The following SYNE1 variants were observed in gnomAD, a reference collection of about 807,000 sequenced individuals.
SYNE1 encodes nesprin-1.
SYNE1 carries 616 observed loss-of-function variants against 1,111.0 expected under a neutral mutation model. The ratio of observed to expected loss-of-function variants is 0.55; its 90% CI spans 0.52 to 0.59. SYNE1 has a LOEUF of 0.59. Among genes scored for constraint, SYNE1 ranks in the 20% least tolerant of loss-of-function variants. The probability of loss-of-function intolerance (pLI) is 0.00; values close to 1 mark genes in which losing one functional copy is unlikely to be tolerated. For missense variants in SYNE1, 10,006 were observed against 10,417.0 expected (o/e 0.96, Z 1.72); for synonymous variants, 3,855 against 3,825.8 (o/e 1.01, Z -0.28).
Position 152,334,195 on chromosome 6 carries a change from C to T in SYNE1, c.12607G>A (p.Glu4203Lys), listed in dbSNP as rs2130262. 4.8e-3 allele frequency: 7,799 copies of T among 1,614,080 alleles called. 315 individuals carry two copies. In the African/African-American group the frequency reaches 0.088, roughly 18 times the overall value. ...IEKVNKLTKKEESPEHKEINH... is the reference protein window; with the variant it reads ...IEKVNKLTKKKESPEHKEINH... ...ATTTCCTTGTGTTCAGGCGATTCCT[C>T]CTTCTTTGTTAACTTATTCACCTTT... Residue 4203 changes from glutamate to lysine, a missense_variant, in exon 77 of 146, where the codon GAG becomes AAG. This residue lies in a region of SYNE1 where 4,955 missense variants were observed against 5,017.2 expected (regional missense o/e 0.99). Transcript: ENST00000367255.
chr6:152,520,420 C>G (rs776251030), intron 6 of SYNE1, 39 bp downstream of exon 6: 26 of 1,597,962 alleles, frequency 1.6e-5, no homozygotes, highest in Non-Finnish European at 2.2e-5. Flanking sequence ...TATGCCCACA[C>G]CTTCTTCCTT....
At chr6:152,301,134 G>A (rs1362294860) in intron 92 of SYNE1, among the ~76,000 whole-genome samples, 1 of 152,154 alleles carries the variant, frequency 6.6e-6, no homozygotes, top group Non-Finnish European at 1.5e-5. Flanking sequence ...ATAAAGCTTG[G>A]TCTTTTGTGG....
At chr6:152,466,523 G>T (rs879901592) in intron 16 of SYNE1, among the ~76,000 whole-genome samples, 5 of 152,034 alleles carry the variant, frequency 3.3e-5, no homozygotes, top group African/African-American at 7.2e-5. Flanking sequence ...GTGCACAAAT[G>T]CTTCCCTTAA....
rs753852037 is a variant in SYNE1 at position 152,331,596 on chromosome 6, T to C, written c.13089A>G (p.Gln4363=). 1 of 1,614,092 alleles carries C rather than the reference T, an allele frequency of 6.2e-7. No individual in the cohort carries two copies. Among genetic ancestry groups the C allele is most frequent in the African/African-American group, 1.3e-5 (1 of 74,934 alleles). ...TAAGGGCCTCGGCGATGTTGGGTTG[T>C]TGCTCTTCTGCCCACTCCATTAGCT... ...FQELMEWAEE[Q]QPNIAEALKQ... The change falls in exon 78 of 146, where the codon CAA becomes CAG. Residue 4363 remains glutamine, a synonymous_variant. Transcript: ENST00000367255.
chr6:152,214,800 A>C, intron 122 of SYNE1, 106 bp downstream of exon 122: 1 of 1,473,856 alleles, frequency 6.8e-7, no homozygotes, highest in Non-Finnish European at 9.4e-7. Flanking sequence ...GAGACTGTTC[A>C]ACATTTCTGT....
In SYNE1 at chr6:152,237,062, G is replaced by A. The variant is rs11751190; in HGVS notation, c.20068-114C>T. The stretch of plus-strand genomic sequence containing the variant: ...CTCTCCTTAAAGTTATATCAGAGAT[G>A]TTTGCGTTGGGCCTTGCTTTGGGAA... On this transcript the variant is annotated intron_variant, in intron 108 of 145. Transcript: ENST00000367255. The A allele has an allele frequency of 0.18, 258,132 of 1,407,938 alleles. 25,049 individuals are homozygous for A. Among genetic ancestry groups the A allele is most frequent in the African/African-American group, 0.24 (17,296 of 70,668 alleles). 87.2% of individuals were successfully genotyped at this position (1,407,938 alleles called of 1,614,324 possible). A position where few individuals can be genotyped will look rare whatever the true frequency, so the allele number is the denominator to read the frequency against.
At position 152,471,602 on chromosome 6, in the gene SYNE1, A is replaced by G. The variant is rs1215894083; in HGVS notation, c.1627T>C (p.Tyr543His). Residue 543 changes from tyrosine (Y) to histidine (H), a missense_variant, in exon 16 of 146, where the codon TAC (tyrosine) becomes CAC (histidine). Physicochemically the swap from Tyr to His is moderately conservative, Grantham distance 83. This residue lies in a region of SYNE1 where 1,971 missense variants were observed against 2,084.1 expected (regional missense o/e 0.95). Coordinates refer to ENST00000367255, the MANE Select transcript of SYNE1 (RefSeq NM_182961.4). ...TCAAAGCACGGGGGACTCACCACGT[A>G]GTTTTGTAGAAGCTGCTCCACTGAC... ...RESVEQLLQN[Y>H]VSFIENSKFF... The G allele has an allele frequency of 6.2e-7, 1 of 1,613,890 alleles. No homozygotes were observed. Among genetic ancestry groups the G allele is most frequent in the Non-Finnish European group, 8.5e-7 (1 of 1,179,800 alleles).
rs1594954084 is a variant in SYNE1, at chr6:152,539,970, T to C, written c.119A>G (p.His40Arg). Residue 40 changes from histidine (H) to arginine (R), a missense_variant, in exon 4 of 146, where the codon CAT (histidine) becomes CGT (arginine). Physicochemically the swap from His to Arg is conservative, Grantham distance 29. Coordinates refer to ENST00000367255, the MANE Select transcript of SYNE1 (RefSeq NM_182961.4). The stretch of plus-strand genomic sequence containing the variant: ...GGTAGTTTCCTTTACCTTGGCCAGA[T>C]GAGAGTTGATCCATTTTGTGAAAGT... Reference protein sequence around the residue: ...KRTFTKWINSHLAKRKPPMVV... With the variant: ...KRTFTKWINSRLAKRKPPMVV... 2 of 1,602,386 alleles carry C rather than the reference T, an allele frequency of 1.2e-6. No individual in the cohort carries two copies. Among genetic ancestry groups the C allele is most frequent in the Non-Finnish European group, 1.7e-6 (2 of 1,170,016 alleles).
intron 3 of SYNE1, among the ~76,000 whole-genome samples, chr6:152,573,304 G>T (rs2099476571): frequency 6.7e-6 from 1 of 150,096 alleles, no homozygotes; most frequent in African/African-American, 2.5e-5. Context: ...TTAGCATTAG[G>T]TATATCTCCT....
intron 135 of SYNE1, among the ~76,000 whole-genome samples, chr6:152,149,929 G>T (rs950283937): frequency 2.6e-5 from 4 of 152,160 alleles, no homozygotes; most frequent in African/African-American, 9.7e-5. Context: ...TACCATCACA[G>T]GTAGTGTGGG....
At chr6:152,621,172 A>G (rs1015811049) in intron 3 of SYNE1, among the ~76,000 whole-genome samples, 2 of 152,198 alleles carry the variant, frequency 1.3e-5, no homozygotes, top group Non-Finnish European at 2.9e-5. Context: ...GAAAGTAGTA[A>G]CATTTGGCTG....
rs775458650 is a variant in SYNE1, at chr6:152,149,456, A to G, written c.24642+21T>C. 1.9e-5 allele frequency: 30 copies of G among 1,614,046 alleles called. No homozygotes were observed. The East Asian group carries it at 6.7e-4, about 36-fold the overall frequency. On this transcript the variant is annotated intron_variant, in intron 136 of 145. Transcript: ENST00000367255. Reference sequence around the variant, plus strand: ...ATTCTCTTTAGATTTAATGACAACTAAGAAAATCAATGTTACATACAGGCA... The same window carrying G: ...ATTCTCTTTAGATTTAATGACAACTGAGAAAATCAATGTTACATACAGGCA...
intron 3 of SYNE1, among the ~76,000 whole-genome samples, chr6:152,576,903 T>C (rs985069174): frequency 6.6e-6 from 1 of 152,190 alleles, no homozygotes; most frequent in Non-Finnish European, 1.5e-5. Flanking sequence ...TAACAAAAGA[T>C]ATATGGAAAA....
chr6:152,162,062 A>T (rs1247006338), intron 131 of SYNE1, among the ~76,000 whole-genome samples: 1 of 152,172 alleles, frequency 6.6e-6, no homozygotes, highest in Non-Finnish European at 1.5e-5. Context: ...TAATCATCTG[A>T]TCTTCTACCT....
At chr6:152,576,714 G>C (rs2099497929) in intron 3 of SYNE1, among the ~76,000 whole-genome samples, 1 of 152,198 alleles carries the variant, frequency 6.6e-6, no homozygotes, top group Non-Finnish European at 1.5e-5. Flanking sequence ...GCTACAGGAA[G>C]TGGGGAAATT....
chr6:152,172,415 T>C (rs1042873469), intron 130 of SYNE1, among the ~76,000 whole-genome samples: 1 of 152,176 alleles, frequency 6.6e-6, no homozygotes, highest in Non-Finnish European at 1.5e-5. Flanking sequence ...GCTTTTGCCT[T>C]GGTGATGGGG....
At chr6:152,205,685 G>A (rs2076376961) in intron 126 of SYNE1, among the ~76,000 whole-genome samples, 1 of 152,168 alleles carries the variant, frequency 6.6e-6, no homozygotes, top group Non-Finnish European at 1.5e-5. Flanking sequence ...CCAACTAAGG[G>A]CTTAATACAC....
At chr6:152,415,501 C>T (rs1194477236) in intron 41 of SYNE1, among the ~76,000 whole-genome samples, 1 of 152,110 alleles carries the variant, frequency 6.6e-6, no homozygotes, top group African/African-American at 2.4e-5. Flanking sequence ...TCTGCCCTCT[C>T]CTCTGAACTA....
At chr6:152,312,990 G>A (rs1267558413) in intron 87 of SYNE1, among the ~76,000 whole-genome samples, 2 of 152,096 alleles carry the variant, frequency 1.3e-5, no homozygotes, top group East Asian at 3.8e-4. Context: ...TGAAAGAACG[G>A]CTACTCCATT....
Sources: allele counts gnomAD v4.1 joint callset (sites outside exome capture counted in the v4.1 genomes callset), GRCh38; gene constraint gnomAD v4.1.1; regional missense constraint gnomAD v4.1.1; transcripts MANE v1.5; gene names NCBI Gene and HGNC (gene_info 2026-07-23, HGNC 2026-07-21).